Variants in ARHGEF28 observed in about 807,000 individuals in gnomAD.
The protein encoded by ARHGEF28 is Rho guanine nucleotide exchange factor 28, also known as 190 kDa guanine nucleotide exchange factor.
Under a neutral mutation model 206.6 loss-of-function variants are expected in ARHGEF28, and 152 were observed. The ratio of observed to expected loss-of-function variants is 0.74; its 90% CI spans 0.64 to 0.84. The LOEUF is 0.84. Ranked by LOEUF, ARHGEF28 falls within the 40% of genes least tolerant of loss-of-function variation. The probability of loss-of-function intolerance (pLI) is 0.00; values close to 1 mark genes in which losing one functional copy is unlikely to be tolerated. For synonymous variants in ARHGEF28, 763 were observed against 776.4 expected (o/e 0.98, Z 0.29); for missense variants, 2,028 against 2,073.2 (o/e 0.98, Z 0.42).
At chr5:73,792,642 C>CTTTTT (rs397943639) in intron 7 of ARHGEF28, among the ~76,000 whole-genome samples, 4 of 122,024 alleles carry the variant, frequency 3.3e-5, no homozygotes, top group East Asian at 2.4e-4. Flanking sequence ...TCCTTCCCTT[C>CTTTTT]TTTTTTTTTT....
chr5:73,792,642 C>G (rs201807334), intron 7 of ARHGEF28, among the ~76,000 whole-genome samples: 4 of 122,064 alleles, frequency 3.3e-5, no homozygotes, highest in Non-Finnish European at 6.7e-5. Context: ...TCCTTCCCTT[C>G]TTTTTTTTTT....
rs1237785269 is a variant in ARHGEF28, at chr5:73,684,865, G to T, written c.14G>T (p.Cys5Phe). 1.2e-6 allele frequency: 2 copies of T among 1,610,526 alleles called. No homozygotes were observed. The highest frequency in any genetic ancestry group is 1.7e-6 in the Non-Finnish European group (2 of 1,178,238). Reference protein sequence around the residue: MELSCSEAPLYGQMM... With the variant: MELSFSEAPLYGQMM... ...GATGCGAAAGCCATGGAGTTGAGCTGCAGCGAAGCACCTCTTTACGTAAGT... is the reference window on the plus strand; with the variant it reads ...GATGCGAAAGCCATGGAGTTGAGCTTCAGCGAAGCACCTCTTTACGTAAGT... The change falls in exon 2 of 36, where the codon TGC (cysteine) becomes TTC (phenylalanine). Residue 5 changes from cysteine (C) to phenylalanine (F), a missense_variant. Coordinates refer to ENST00000513042, the MANE Select transcript of ARHGEF28 (RefSeq NM_001177693.2).
Position 73,849,318 on chromosome 5 carries a change from TA to T in ARHGEF28, c.1747+232del, listed in dbSNP as rs1758561496. On this transcript the variant is annotated intron_variant, in intron 13 of 35. Transcript: ENST00000513042. Reference sequence around the variant, plus strand: ...TACAAATACATGCACACCTCTCTGTTACTTTATTCTTTGAATAAAATGTTTT... The same window carrying T: ...TACAAATACATGCACACCTCTCTGTTCTTTATTCTTTGAATAAAATGTTTT... 2.0e-5 allele frequency among the ~76,000 whole-genome samples: 3 copies of T among 152,268 alleles called. No individual in the cohort carries two copies. The South Asian group carries it at 6.2e-4, about 32-fold the overall frequency.
intron 4 of ARHGEF28, among the ~76,000 whole-genome samples, chr5:73,766,833 C>G (rs1752920459): frequency 1.3e-5 from 2 of 152,210 alleles, no homozygotes; most frequent in Admixed American, 1.3e-4. Context: ...CATAGCAAAT[C>G]TGTTCCATAG....
chr5:73,822,757 G>GC (rs1756675601), intron 9 of ARHGEF28, among the ~76,000 whole-genome samples: 1 of 152,108 alleles, frequency 6.6e-6, no homozygotes, highest in African/African-American at 2.4e-5. Flanking sequence ...TGAGTAGCTT[G>GC]CGTATACAGA....
chr5:73,709,200 A>C (rs1749107341), intron 2 of ARHGEF28, among the ~76,000 whole-genome samples: 1 of 152,178 alleles, frequency 6.6e-6, no homozygotes, highest in African/African-American at 2.4e-5. Flanking sequence ...TTGATTTTTA[A>C]AATGTTACAT....
At chr5:73,737,123 G>A (rs1344181023) in intron 2 of ARHGEF28, among the ~76,000 whole-genome samples, 15 of 152,022 alleles carry the variant, frequency 9.9e-5, no homozygotes, top group Admixed American at 9.8e-4. Flanking sequence ...ACACATCCGA[G>A]GTGCTTCTTT....
chr5:73,892,356 C>T (rs1761693474), intron 27 of ARHGEF28, 126 bp downstream of exon 27: 3 of 1,054,664 alleles, frequency 2.8e-6, no homozygotes, highest in Non-Finnish European at 4.0e-6. Flanking sequence ...CCCCCTGCAC[C>T]TGCCTGCGAT....
At chr5:73,796,269 C>T (rs1458834809) in intron 9 of ARHGEF28, among the ~76,000 whole-genome samples, 1 of 152,204 alleles carries the variant, frequency 6.6e-6, no homozygotes, top group Non-Finnish European at 1.5e-5. Flanking sequence ...TTGGTTTCCT[C>T]TGGTTCTGTG....
intron 1 of ARHGEF28, among the ~76,000 whole-genome samples, chr5:73,663,165 A>G (rs1321454549): frequency 1.3e-5 from 2 of 152,138 alleles, no homozygotes; most frequent in Non-Finnish European, 2.9e-5. Flanking sequence ...CGTGTTGGCC[A>G]GGCTGGTCTC....
chr5:73,872,730 G>C (rs1166391036), intron 21 of ARHGEF28, among the ~76,000 whole-genome samples: 1 of 152,198 alleles, frequency 6.6e-6, no homozygotes, highest in Non-Finnish European at 1.5e-5. Context: ...ATGCTAGCTA[G>C]TTATATTATT....
chr5:73,881,085 G>A (rs1485024043), intron 22 of ARHGEF28, among the ~76,000 whole-genome samples: 5 of 149,400 alleles, frequency 3.3e-5, no homozygotes, highest in African/African-American at 7.4e-5. Context: ...AGTGCCATTC[G>A]TTGAAAAGGC....
chr5:73,880,661 G>C (rs1369961856), intron 22 of ARHGEF28, among the ~76,000 whole-genome samples: 2 of 152,172 alleles, frequency 1.3e-5, no homozygotes, highest in Non-Finnish European at 2.9e-5. Flanking sequence ...TGCTGGGCAT[G>C]GTGGCTCACG....
In ARHGEF28 at chr5:73,737,882, G is replaced by A. The variant is rs115806930; in HGVS notation, c.34-11955G>A. Among the ~76,000 whole-genome samples, 461 of 152,218 alleles carry A rather than the reference G, an allele frequency of 3.0e-3. 1 individual carries two copies. The highest frequency in any genetic ancestry group is 5.3e-3 in the African/African-American group (220 of 41,520). On this transcript the variant is annotated intron_variant, in intron 2 of 35. Coordinates refer to ENST00000513042, the MANE Select transcript of ARHGEF28 (RefSeq NM_001177693.2). Reference sequence around the variant, plus strand: ...AGCTGGGGCTGACTGACTGCTACCTGCTCTTTCCACGTGCCCTGCTTCTCT... The same window carrying A: ...AGCTGGGGCTGACTGACTGCTACCTACTCTTTCCACGTGCCCTGCTTCTCT...
intron 9 of ARHGEF28, among the ~76,000 whole-genome samples, chr5:73,801,853 T>G (rs915227996): frequency 2.0e-5 from 3 of 152,164 alleles, no homozygotes; most frequent in Non-Finnish European, 4.4e-5. Flanking sequence ...GAAGGCAAAG[T>G]TATTTGTATA....
chr5:73,941,001 T>C lies in ARHGEF28; in HGVS notation c.5106T>C (p.Ile1702=), dbSNP rs1266291618. The C allele has an allele frequency of 4.0e-6, 6 of 1,512,254 alleles. No individual in the cohort carries two copies. In the South Asian group the frequency reaches 7.6e-5, roughly 19 times the overall value. The allele number at this position is 1,512,254 out of a possible 1,614,324, so 93.7% of individuals were successfully genotyped here. A position where few individuals can be genotyped will look rare whatever the true frequency, so the allele number is the denominator to read the frequency against. The change falls in exon 36 of 36, where the codon ATT becomes ATC. Residue 1702 remains isoleucine (I), a synonymous_variant. Transcript: ENST00000513042. The part of the protein sequence containing the change: ...GETGDGAKEN[I]VYL ...CTGGAGATGGAGCCAAAGAAAATAT[T>C]GTTTACCTCTAATTGTGTTGTCATT...
At position 73,690,654 on chromosome 5, in the gene ARHGEF28, C is replaced by T. The variant is rs557943134; in HGVS notation, c.33+5770C>T. On this transcript the variant is annotated intron_variant, in intron 2 of 35. Coordinates refer to ENST00000513042, the MANE Select transcript of ARHGEF28 (RefSeq NM_001177693.2). ...TCAAGGCTGCAGTGAGCTGTAATCA[C>T]ACCACTGCACTCCAGCCTGGGTGAG... is the stretch of plus-strand genomic sequence containing the variant. Among the ~76,000 whole-genome samples, 5 of 151,630 alleles carry T rather than the reference C, an allele frequency of 3.3e-5. No individual in the cohort carries two copies. In the South Asian group the frequency reaches 8.4e-4, roughly 25 times the overall value.
intron 2 of ARHGEF28, among the ~76,000 whole-genome samples, chr5:73,731,011 T>TA (rs10699304): frequency 0.017 from 2,404 of 142,334 alleles, 69 homozygotes; most frequent in African/African-American, 0.053. Flanking sequence ...GCCTTTAAGC[T>TA]AAAAAAAAAA....
chr5:73,764,077 AT>A (rs1157763872), intron 4 of ARHGEF28, among the ~76,000 whole-genome samples: 2 of 152,094 alleles, frequency 1.3e-5, no homozygotes, highest in East Asian at 3.9e-4. Context: ...GCCCTGTCCC[AT>A]TTGTTATTTT....
Sources: gnomAD v4.1 joint callset for allele counts (sites outside exome capture counted in the v4.1 genomes callset) on GRCh38, gnomAD v4.1.1 for gene constraint, MANE v1.5 for transcripts, NCBI Gene and HGNC (gene_info 2026-07-23, HGNC 2026-07-21) for gene names.